BRCA1: variants seen among roughly 807,000 people sequenced by gnomAD.
BRCA1 encodes the protein BRCA1 DNA repair associated.
A neutral mutation model predicts 173.7 loss-of-function variants in BRCA1; 140 were observed. The observed-to-expected ratio is 0.81, with a 90% CI of 0.70 to 0.93. BRCA1 has a LOEUF of 0.93. Ranked by LOEUF, BRCA1 falls within the 40% of genes least tolerant of loss-of-function variation. The pLI, the probability that BRCA1 is intolerant of heterozygous loss-of-function variation, is 0.00. For synonymous variants in BRCA1, 662 were observed against 756.0 expected, an observed-to-expected ratio of 0.88 and a Z score of 2.04; for missense variants, 1,983 against 2,172.5, an observed-to-expected ratio of 0.91 and a Z score of 1.73.
intron 17 of BRCA1, 152 bp downstream of exon 17, chr17:43,063,722 T>TA: frequency 1.5e-6 from 1 of 687,018 alleles, no homozygotes; most frequent in South Asian, 1.8e-5. Context: ...AACAAAGTGA[T>TA]ATTAAAGATA....
chr17:43,134,782 A>G (rs1211068907), intron 1 of BRCA1, among the ~76,000 whole-genome samples: 1 of 152,164 alleles, frequency 6.6e-6, no homozygotes, highest in Non-Finnish European at 1.5e-5. Flanking sequence ...CGGCCCTCAT[A>G]CAGTTCAGGG....
intron 1 of BRCA1, chr17:43,138,998 CA>C: frequency 2.6e-6 from 2 of 776,916 alleles, no homozygotes; most frequent in Middle Eastern, 7.1e-4. Flanking sequence ...CAATGAAAAG[CA>C]CTAATTGCCT....
intron 16 of BRCA1, among the ~76,000 whole-genome samples, chr17:43,064,672 A>C (rs920998264): frequency 2.0e-5 from 3 of 152,146 alleles, no homozygotes; most frequent in African/African-American, 7.2e-5. Context: ...ATGCTCCCTC[A>C]CAGAATCCTT....
intron 1 of BRCA1, among the ~76,000 whole-genome samples, chr17:43,155,280 C>T (rs2056189799): frequency 6.6e-6 from 1 of 152,020 alleles, no homozygotes; most frequent in Admixed American, 6.5e-5. Flanking sequence ...AGTGATTCTC[C>T]TGCCTCAGCC....
At chr17:43,059,124 C>A (rs2051634810) in intron 18 of BRCA1, among the ~76,000 whole-genome samples, 1 of 152,156 alleles carries the variant, frequency 6.6e-6, no homozygotes, top group Non-Finnish European at 1.5e-5. Flanking sequence ...ATGTGTCCAA[C>A]TGCCTACTTA....
At chr17:43,096,059 C>T (rs1311247863) in intron 8 of BRCA1, 137 bp from the exon 9 acceptor site, 5 of 752,506 alleles carry the variant, frequency 6.6e-6, no homozygotes, top group Non-Finnish European at 1.1e-5. Flanking sequence ...GAAAGCTGCT[C>T]TCTCCTTTAG....
chr17:43,058,244 T>C (rs1035731873), intron 18 of BRCA1, among the ~76,000 whole-genome samples: 13 of 151,810 alleles, frequency 8.6e-5, no homozygotes, highest in African/African-American at 2.2e-4. Context: ...CATAGTTGCA[T>C]GTGCCTGCAG....
At chr17:43,099,469 C>T (rs185552909) in intron 7 of BRCA1, among the ~76,000 whole-genome samples, 1 of 151,912 alleles carries the variant, frequency 6.6e-6, no homozygotes, top group Non-Finnish European at 1.5e-5. Flanking sequence ...CAGAGTTTCT[C>T]CATGTTGGCT....
intron 1 of BRCA1, among the ~76,000 whole-genome samples, chr17:43,143,703 G>A (rs1567830988): frequency 6.6e-6 from 1 of 152,196 alleles, no homozygotes; most frequent in Admixed American, 6.5e-5. Flanking sequence ...TTCTGCTGCC[G>A]TTATGGAACA....
rs1257944802 is a variant in BRCA1, at chr17:43,142,940, G to GTATA, written c.-19-18829_-19-18826dup. 3.6e-3 allele frequency among the ~76,000 whole-genome samples: 523 copies of GTATA among 144,984 alleles called. 35 individuals carry two copies. The highest frequency in any genetic ancestry group is 0.013 in the African/African-American group (477 of 37,794). On this transcript the variant is annotated intron_variant, in intron 1 of 7. Coordinates refer to the BRCA1 transcript ENST00000634433. The stretch of plus-strand genomic sequence containing the variant: ...TGTGTGTGTGTGTGTGTGTGTGTGT[G>GTATA]TATATATATATGTGTGTGTGTGTGT...
chr17:43,145,802 T>C (rs548362941), intron 1 of BRCA1, among the ~76,000 whole-genome samples: 86 of 152,260 alleles, frequency 5.6e-4, no homozygotes, highest in African/African-American at 2.1e-3. Context: ...GAAAATTGTG[T>C]AGGATATTGA....
chr17:43,146,692 A>T (rs570288933), intron 1 of BRCA1, among the ~76,000 whole-genome samples: 1 of 151,252 alleles, frequency 6.6e-6, no homozygotes, highest in East Asian at 2.0e-4. Context: ...ATTATGAAAG[A>T]AAAAAAAAGA....
chr17:43,127,483 G>C (rs1275897188), upstream of BRCA1, among the ~76,000 whole-genome samples: 1 of 152,100 alleles, frequency 6.6e-6, no homozygotes, highest in East Asian at 1.9e-4. Context: ...GCACCAATCA[G>C]CACTCTGTGT....
At chr17:43,138,788 C>T (rs1415223289) in intron 1 of BRCA1, 11 of 778,840 alleles carry the variant, frequency 1.4e-5, no homozygotes, top group African/African-American at 5.1e-5. Flanking sequence ...TAGCAGCAGG[C>T]GTGCAGGCTC....
rs1398814905 is a variant in BRCA1 at position 43,114,627 on chromosome 17, T to C, written c.134+1099A>G. ...AGGATACATAAGAAATTGATCATTGTGGTTGTCTGGGGAGGGAACAGGGAG... is the reference window on the plus strand; with the variant it reads ...AGGATACATAAGAAATTGATCATTGCGGTTGTCTGGGGAGGGAACAGGGAG... On this transcript the variant is annotated intron_variant, in intron 3 of 22. Transcript: ENST00000357654. Among the ~76,000 whole-genome samples the C allele has an allele frequency of 2.6e-5, 4 of 152,162 alleles. No individual in the cohort carries two copies. In the East Asian group the frequency reaches 7.7e-4, roughly 29 times the overall value.
chr17:43,159,747 T>C (rs1253129046), intron 1 of BRCA1: 2 of 166,670 alleles, frequency 1.2e-5, no homozygotes, highest in Non-Finnish European at 2.6e-5. Flanking sequence ...CCAGAGACCT[T>C]TGTTCACTTG....
chr17:43,162,932 C>T (rs1016340950), intron 1 of BRCA1: 23 of 152,316 alleles, frequency 1.5e-4, no homozygotes, highest in African/African-American at 5.1e-4. Flanking sequence ...AACACCTCTA[C>T]ACAGTATGTT....
rs8176258 is a variant in BRCA1 at position 43,064,004 on chromosome 17, G to A, written c.5075-53C>T. ...TAGAAGTTGAAAACAAAATCAGGAA[G>A]TGCTGTCCTAAGAAGCTAAAGAGCC... On this transcript the variant is annotated intron_variant, in intron 16 of 22. Transcript: ENST00000357654. 35,734 of 1,533,560 alleles carry A rather than the reference G, an allele frequency of 0.023. 535 individuals are homozygous for A. Among genetic ancestry groups the A allele is most frequent in the Non-Finnish European group, 0.027 (29,686 of 1,108,940 alleles). 95.0% of individuals were successfully genotyped at this position (1,533,560 alleles called of 1,614,324 possible).
At chr17:43,142,510 C>T (rs564479857) in intron 1 of BRCA1, 2 of 152,316 alleles carry the variant, frequency 1.3e-5, no homozygotes, top group South Asian at 2.1e-4. Context: ...GGCTTAAAAC[C>T]GTAACTTGTC....
Sources: gnomAD v4.1 joint callset for allele counts (sites outside exome capture counted in the v4.1 genomes callset) on GRCh38, gnomAD v4.1.1 for gene constraint, MANE v1.5 for transcripts, NCBI Gene and HGNC (gene_info 2026-07-23, HGNC 2026-07-21) for gene names.